The following DPH5 variants were observed in gnomAD, a reference collection of about 807,000 sequenced individuals.
The protein encoded by DPH5 is diphthamide biosynthesis 5, also known as diphthine methyl ester synthase.
In DPH5, 31 loss-of-function variants were observed where a neutral mutation model predicts 31.6. The ratio of observed to expected loss-of-function variants is 0.98; its 90% CI spans 0.74 to 1.32. DPH5 has a LOEUF of 1.32. DPH5 is among the 40% of genes most tolerant of loss of function. The probability of loss-of-function intolerance (pLI) is 0.00; values close to 1 mark genes in which losing one functional copy is unlikely to be tolerated. For missense variants in DPH5, 309 were observed against 335.7 expected, an observed-to-expected ratio of 0.92 and a Z score of 0.62; for synonymous variants, 120 against 115.0, an observed-to-expected ratio of 1.04 and a Z score of -0.28.
chr1:101,008,691 C>A (rs979178839), intron 4 of DPH5, among the ~76,000 whole-genome samples: 1 of 152,150 alleles, frequency 6.6e-6, no homozygotes, highest in African/African-American at 2.4e-5. Context: ...TTACAGATTC[C>A]CTAAAGTGCT....
intron 5 of DPH5, among the ~76,000 whole-genome samples, chr1:101,000,158 A>G (rs1396134472): frequency 6.6e-6 from 1 of 152,032 alleles, no homozygotes; most frequent in Non-Finnish European, 1.5e-5. Context: ...AAAAAAAAAA[A>G]GTGGCAAACA....
Position 100,992,721 on chromosome 1 carries a change from G to T in DPH5, c.550C>A (p.Pro184Thr). Residue 184 changes from proline (P) to threonine (T), a missense_variant, in exon 7 of 8, where the codon CCT becomes ACT. Pro to Thr is a conservative substitution (Grantham distance 38). Coordinates refer to ENST00000370109, the MANE Select transcript of DPH5 (RefSeq NM_015958.3). The part of the protein sequence containing the change: ...NLIKGRKIYE[P>T]PRYMSVNQAA... The stretch of plus-strand genomic sequence containing the variant: ...TGGTTTACACTCATATACCGTGGAG[G>T]TTCATAGATCTTCCTTCCCCTATAG... 6.2e-7 allele frequency: 1 copy of T among 1,613,102 alleles called. No homozygotes were observed.
chr1:100,999,065 A>G (rs1311979896), intron 5 of DPH5, among the ~76,000 whole-genome samples: 1 of 152,224 alleles, frequency 6.6e-6, no homozygotes, highest in East Asian at 1.9e-4. Context: ...GATGTGATCC[A>G]TGGGTACTTG....
At chr1:101,008,244 T>C (rs1375237753) in intron 4 of DPH5, among the ~76,000 whole-genome samples, 1 of 152,176 alleles carries the variant, frequency 6.6e-6, no homozygotes, top group African/African-American at 2.4e-5. Context: ...AAAACATCAA[T>C]AGAGTTAAAG....
Position 100,995,102 on chromosome 1 carries a change from T to A in DPH5, c.530+8A>T, listed in dbSNP as rs920936873. ...ACACATGTATGCATTCTCAGAATAATAACTTACTTGATTAGATTTTCCAAA... is the reference window on the plus strand; with the variant it reads ...ACACATGTATGCATTCTCAGAATAAAAACTTACTTGATTAGATTTTCCAAA... On this transcript the variant is annotated splice_region_variant and intron_variant, in intron 6 of 7. Transcript: ENST00000370109. 6.4e-7 allele frequency: 1 copy of A among 1,563,974 alleles called. No homozygotes were observed. Among genetic ancestry groups the A allele is most frequent in the African/African-American group, 1.4e-5 (1 of 73,950 alleles).
chr1:101,021,484 C>T lies in DPH5; in HGVS notation c.260+157G>A, dbSNP rs564610034. 1.1e-4 allele frequency among the ~76,000 whole-genome samples: 16 copies of T among 152,240 alleles called. No individual in the cohort carries two copies. The South Asian group carries it at 3.1e-3, about 30-fold the overall frequency. Reference sequence around the variant, plus strand: ...GCTTTTCTTCACTAATCTCAAAGATCATGAAAGTTTAAACTATGACATTTT... The same window carrying T: ...GCTTTTCTTCACTAATCTCAAAGATTATGAAAGTTTAAACTATGACATTTT... On this transcript the variant is annotated intron_variant, in intron 3 of 7. Coordinates refer to ENST00000370109, the MANE Select transcript of DPH5 (RefSeq NM_015958.3).
intron 4 of DPH5, among the ~76,000 whole-genome samples, chr1:101,007,704 G>A (rs894906994): frequency 1.3e-5 from 2 of 149,528 alleles, no homozygotes; most frequent in African/African-American, 4.9e-5. Flanking sequence ...GACAGAGCAA[G>A]ACTCCGTCCC....
At chr1:101,010,457 A>T (rs1157520878) in intron 4 of DPH5, among the ~76,000 whole-genome samples, 1 of 152,210 alleles carries the variant, frequency 6.6e-6, no homozygotes, top group African/African-American at 2.4e-5. Flanking sequence ...TGGCTAATAA[A>T]CTACAAAGGT....
At chr1:101,000,008 G>A (rs1311927310) in intron 5 of DPH5, among the ~76,000 whole-genome samples, 4 of 151,832 alleles carry the variant, frequency 2.6e-5, no homozygotes, top group Non-Finnish European at 5.9e-5. Flanking sequence ...TTAGCCGGGC[G>A]TGGTGGCATG....
intron 4 of DPH5, among the ~76,000 whole-genome samples, chr1:101,011,327 A>G (rs1659622966): frequency 6.6e-6 from 1 of 152,242 alleles, no homozygotes; most frequent in Non-Finnish European, 1.5e-5. Context: ...TGTGATCACT[A>G]TATAAGACAG....
chr1:101,016,299 A>T (rs1366941010), intron 3 of DPH5, among the ~76,000 whole-genome samples: 1 of 151,952 alleles, frequency 6.6e-6, no homozygotes, highest in Non-Finnish European at 1.5e-5. Context: ...GCTTGCAGTG[A>T]GCTGAGATTG....
chr1:100,990,181 A>C lies in DPH5; in HGVS notation c.*227T>G, dbSNP rs937236628. 10 of 526,190 alleles carry C rather than the reference A, an allele frequency of 1.9e-5. No homozygotes were observed. In the African/African-American group the frequency reaches 1.9e-4, roughly 10 times the overall value. 32.6% of individuals were successfully genotyped at this position (526,190 alleles called of 1,614,324 possible). ...ACAGGGCGGCAAGAGTGAGAATGAG[A>C]GCCAGTAGGGGAAATGCCAGGCACT... On this transcript the variant is annotated 3_prime_UTR_variant, in exon 8 of 8. Coordinates refer to ENST00000370109, the MANE Select transcript of DPH5 (RefSeq NM_015958.3).
chr1:101,011,959 G>GGC (rs1352235930), intron 4 of DPH5, among the ~76,000 whole-genome samples: 2 of 137,058 alleles, frequency 1.5e-5, no homozygotes, highest in African/African-American at 5.5e-5. Flanking sequence ...GGAGTGCAAT[G>GGC]GCGCGATCTC....
intron 6 of DPH5, among the ~76,000 whole-genome samples, chr1:100,994,615 C>A (rs1658161537): frequency 6.6e-6 from 1 of 151,944 alleles, no homozygotes. Context: ...CAACCTCTGC[C>A]TCCCAGATTC....
intron 5 of DPH5, among the ~76,000 whole-genome samples, chr1:100,999,943 G>A (rs1448382125): frequency 1.3e-5 from 2 of 151,990 alleles, no homozygotes; most frequent in African/African-American, 4.8e-5. Context: ...AGGAGATGGA[G>A]ACCACCCTGG....
intron 3 of DPH5, among the ~76,000 whole-genome samples, chr1:101,016,921 T>A (rs1660123334): frequency 6.6e-6 from 1 of 152,166 alleles, no homozygotes; most frequent in African/African-American, 2.4e-5. Context: ...GTTGGGGGAA[T>A]GGCTGGTTGG....
intron 4 of DPH5, among the ~76,000 whole-genome samples, chr1:101,010,507 T>C (rs1487831068): frequency 6.6e-6 from 1 of 152,210 alleles, no homozygotes; most frequent in Non-Finnish European, 1.5e-5. Flanking sequence ...ACTCTGCATG[T>C]TGTTTCTTTA....
At chr1:100,997,451 C>T (rs542445287) in intron 5 of DPH5, among the ~76,000 whole-genome samples, 21 of 152,184 alleles carry the variant, frequency 1.4e-4, no homozygotes, top group Admixed American at 3.9e-4. Context: ...ATGCAAGCTC[C>T]GCCTCCTGGG....
At chr1:101,020,100 T>C (rs139744178) in intron 3 of DPH5, among the ~76,000 whole-genome samples, 6 of 152,342 alleles carry the variant, frequency 3.9e-5, no homozygotes, top group Non-Finnish European at 5.9e-5. Context: ...CTGAAGGTTT[T>C]TGAGCATGGG....
Sources: gnomAD v4.1 joint callset for allele counts (sites outside exome capture counted in the v4.1 genomes callset) on GRCh38, gnomAD v4.1.1 for gene constraint, MANE v1.5 for transcripts, NCBI Gene and HGNC (gene_info 2026-07-23, HGNC 2026-07-21) for gene names.